Variants in AK8 observed in about 807,000 individuals in gnomAD.
AK8 encodes ATP-AMP transphosphorylase 8.
A neutral mutation model predicts 54.6 loss-of-function variants in AK8; 44 were observed. The observed-to-expected ratio is 0.81, with a 90% CI of 0.63 to 1.04. AK8 has a LOEUF of 1.04. AK8 is among the 50% of genes least tolerant of loss of function. AK8 has a pLI of 0.00. For missense variants in AK8, 555 were observed against 613.6 expected, an observed-to-expected ratio of 0.90 and a Z score of 1.01; for synonymous variants, 239 against 245.6, an observed-to-expected ratio of 0.97 and a Z score of 0.25.
Position 132,747,924 on chromosome 9 carries a change from T to C in AK8, c.1122-20390A>G, listed in dbSNP as rs891540865. Among the ~76,000 whole-genome samples the C allele has an allele frequency of 1.3e-5, 2 of 150,578 alleles. 1 individual carries two copies. The highest frequency in any genetic ancestry group is 3.0e-5 in the Non-Finnish European group (2 of 67,374). On this transcript the variant is annotated intron_variant, in intron 11 of 12. Transcript: ENST00000298545. ...GACCAGCCTGGCCAACATAATGAAA[T>C]CCCATCTCTACTAAAAATACAAAAA...
chr9:132,859,759 G>GA (rs1037840637), intron 4 of AK8, among the ~76,000 whole-genome samples: 3 of 151,866 alleles, frequency 2.0e-5, no homozygotes, highest in Non-Finnish European at 4.4e-5. Context: ...GCAGATGAAG[G>GA]AAAAAAGACT....
intron 11 of AK8, among the ~76,000 whole-genome samples, chr9:132,752,086 C>T (rs899926153): frequency 1.3e-5 from 2 of 151,916 alleles, no homozygotes; most frequent in African/African-American, 2.4e-5. Context: ...AAATGATCCA[C>T]GCGCCTCGAC....
Position 132,792,294 on chromosome 9 carries a change from T to C in AK8, c.1121+340A>G, listed in dbSNP as rs776282399. 8.5e-5 allele frequency among the ~76,000 whole-genome samples: 13 copies of C among 152,228 alleles called. 1 individual carries two copies. Among genetic ancestry groups the C allele is most frequent in the African/African-American group, 3.1e-4 (13 of 41,536 alleles). ...CTGCCTACTCACATCCAAATAAATA[T>C]CAGCTGCACCAAAGATTTAAATATA... On this transcript the variant is annotated intron_variant, in intron 11 of 12. Coordinates refer to ENST00000298545, the MANE Select transcript of AK8 (RefSeq NM_152572.3).
At chr9:132,840,558 G>A (rs544058294) in intron 5 of AK8, among the ~76,000 whole-genome samples, 1 of 152,196 alleles carries the variant, frequency 6.6e-6, no homozygotes, top group South Asian at 2.1e-4. Context: ...ATTCATCCAG[G>A]TATGGGGATA....
chr9:132,846,504 GATGAATGAATGA>G (rs56358230), intron 5 of AK8, among the ~76,000 whole-genome samples: 18,084 of 150,918 alleles, frequency 0.12, 1,260 homozygotes, highest in African/African-American at 0.18. Context: ...TGAGAGAATA[GATGAATGAATGA>G]ATGAATGAAT....
intron 5 of AK8, among the ~76,000 whole-genome samples, chr9:132,838,950 T>A (rs934785844): frequency 2.0e-5 from 3 of 152,184 alleles, no homozygotes; most frequent in African/African-American, 7.2e-5. Flanking sequence ...ATTATTTTTT[T>A]ATTTTTTTGT....
intron 11 of AK8, among the ~76,000 whole-genome samples, chr9:132,738,606 T>G (rs940604143): frequency 1.3e-5 from 2 of 152,116 alleles, no homozygotes; most frequent in Non-Finnish European, 2.9e-5. Flanking sequence ...CTAGCTAGAC[T>G]GGGATGGGAG....
chr9:132,814,278 CAAAAAAAAA>C (rs71376658), intron 10 of AK8, among the ~76,000 whole-genome samples: 3 of 63,890 alleles, frequency 4.7e-5, no homozygotes, highest in African/African-American at 6.8e-5. Flanking sequence ...TACCCTGTCT[CAAAAAAAAA>C]AAAAAAAAAA....
At chr9:132,728,051 T>C (rs758481303) in intron 11 of AK8, among the ~76,000 whole-genome samples, 4 of 152,198 alleles carry the variant, frequency 2.6e-5, no homozygotes, top group Non-Finnish European at 4.4e-5. Context: ...TGGTTACCTC[T>C]ATACATTAGA....
chr9:132,867,229 T>A (rs1278349756), intron 2 of AK8, among the ~76,000 whole-genome samples: 1 of 151,950 alleles, frequency 6.6e-6, no homozygotes, highest in Admixed American at 6.6e-5. Flanking sequence ...TCAAGAACAA[T>A]TGGGATTTCA....
chr9:132,782,031 A>AT lies in AK8; in HGVS notation c.1121+10602dup, dbSNP rs376470152. 6.8e-3 allele frequency among the ~76,000 whole-genome samples: 1,030 copies of AT among 152,306 alleles called. 11 individuals are homozygous for AT. Among genetic ancestry groups the AT allele is most frequent in the African/African-American group, 0.023 (948 of 41,570 alleles). On this transcript the variant is annotated intron_variant, in intron 11 of 12. Coordinates refer to ENST00000298545, the MANE Select transcript of AK8 (RefSeq NM_152572.3). ...GATTAAATCTACATTGTAAATCAAG[A>AT]TTTTTTGTTCCTGCCTGTCCTTCGC...
At chr9:132,780,356 C>T (rs1433369958) in intron 11 of AK8, among the ~76,000 whole-genome samples, 1 of 152,184 alleles carries the variant, frequency 6.6e-6, no homozygotes, top group Non-Finnish European at 1.5e-5. Context: ...GTGACAGCCC[C>T]TTGTGCCTGG....
At chr9:132,737,513 A>G (rs750731004) in intron 11 of AK8, among the ~76,000 whole-genome samples, 1 of 152,266 alleles carries the variant, frequency 6.6e-6, no homozygotes, top group Non-Finnish European at 1.5e-5. Flanking sequence ...ATCTAGCATT[A>G]CATAAAAAGA....
Position 132,863,740 on chromosome 9 carries a change from G to A in AK8, c.258C>T (p.Leu86=), listed in dbSNP as rs36049481. 166 of 1,614,186 alleles carry A rather than the reference G, an allele frequency of 1.0e-4. 1 individual carries two copies. The highest frequency in any genetic ancestry group is 3.8e-4 in the Admixed American group (23 of 60,032). Residue 86 remains leucine, a synonymous_variant, in exon 4 of 13, where the codon CTC becomes CTT. Transcript: ENST00000298545. ...CATTTAAGATCAGGTTCTCCAGGGT[G>A]AGGAGACTGCTGTTCAGATGTTTGC... ...WLCKHLNSSL[L]TLENLILNEF...
chr9:132,742,416 C>G (rs900471941), intron 11 of AK8, among the ~76,000 whole-genome samples: 1 of 152,176 alleles, frequency 6.6e-6, no homozygotes, highest in African/African-American at 2.4e-5. Context: ...AAGTAATCCA[C>G]CCACCGTGGC....
Position 132,828,934 on chromosome 9 carries a change from A to C in AK8, c.403-208T>G, listed in dbSNP as rs540380864. On this transcript the variant is annotated intron_variant, in intron 5 of 12. Coordinates refer to ENST00000298545, the MANE Select transcript of AK8 (RefSeq NM_152572.3). ...GAATCATATCTTGGTGATTATAATC[A>C]TAACATATATATTTTACATCTTGAT... Among the ~76,000 whole-genome samples, 3 of 152,146 alleles carry C rather than the reference A, an allele frequency of 2.0e-5. No individual in the cohort carries two copies. The East Asian group carries it at 5.8e-4, about 29-fold the overall frequency.
chr9:132,875,369 G>A (rs1564451871), intron 1 of AK8, 170 bp from the exon 2 acceptor site: 4 of 958,522 alleles, frequency 4.2e-6, no homozygotes, highest in Non-Finnish European at 2.5e-6. Context: ...CATGAGCAGA[G>A]GCATGAGGGG....
In AK8 at chr9:132,792,740, G is replaced by A. The variant is rs62000443; in HGVS notation, c.1015C>T (p.Arg339Cys). 4.1e-3 allele frequency: 6,391 copies of A among 1,559,316 alleles called. 27 individuals are homozygous for A. The highest frequency in any genetic ancestry group is 4.4e-3 in the Non-Finnish European group (5,079 of 1,151,812). Residue 339 changes from arginine (R) to cysteine (C), a missense_variant, in exon 11 of 13, where the codon CGC becomes TGC. Physicochemically the swap from Arg to Cys is radical, Grantham distance 180. Transcript: ENST00000298545. The stretch of plus-strand genomic sequence containing the variant: ...TGGATGCAGTCCTGCTGGTCCAGGC[G>A]CTGGCTCAGCACCTTCATGAGGAGG... ...DSLLMKVLSQ[R>C]LDQQDCIQKG...
chr9:132,861,169 C>T (rs1040443545), intron 4 of AK8, among the ~76,000 whole-genome samples: 12 of 152,346 alleles, frequency 7.9e-5, no homozygotes, highest in Middle Eastern at 3.4e-3. Flanking sequence ...GGGGCACCAT[C>T]CCCGTGGGCT....
Sources: allele counts gnomAD v4.1 joint callset (sites outside exome capture counted in the v4.1 genomes callset), GRCh38; gene constraint gnomAD v4.1.1; transcripts MANE v1.5; gene names NCBI Gene and HGNC (gene_info 2026-07-23, HGNC 2026-07-21).